Variants in KHDRBS2 observed in about 807,000 individuals in gnomAD.
The protein encoded by KHDRBS2 is KH domain-containing, RNA-binding, signal transduction-associated protein 2.
KHDRBS2 carries 26 observed loss-of-function variants against 44.3 expected under a neutral mutation model. The ratio of observed to expected loss-of-function variants is 0.59; its 90% CI spans 0.43 to 0.81. The LOEUF is 0.81. Ranked by LOEUF, KHDRBS2 falls within the 40% of genes least tolerant of loss-of-function variation. The probability of loss-of-function intolerance (pLI) is 0.00; values close to 1 mark genes in which losing one functional copy is unlikely to be tolerated. For synonymous variants in KHDRBS2, 194 were observed against 151.1 expected, an observed-to-expected ratio of 1.28 and a Z score of -2.08; for missense variants, 476 against 433.1, an observed-to-expected ratio of 1.10 and a Z score of -0.88.
chr6:62,001,089 T>A (rs183922523), intron 3 of KHDRBS2, among the ~76,000 whole-genome samples: 3 of 152,136 alleles, frequency 2.0e-5, no homozygotes, highest in African/African-American at 7.2e-5. Flanking sequence ...TCAGACATTA[T>A]TGGAATAGCT....
chr6:61,605,276 C>T, the KHDRBS2 span, among the ~76,000 whole-genome samples: 2 of 152,134 alleles, frequency 1.3e-5, no homozygotes, highest in African/African-American at 2.4e-5. Context: ...AGTCATATTC[C>T]TATTCACCAT....
intron 2 of KHDRBS2, among the ~76,000 whole-genome samples, chr6:62,170,460 G>A (rs964968202): frequency 6.6e-6 from 1 of 152,150 alleles, no homozygotes; most frequent in African/African-American, 2.4e-5. Flanking sequence ...AAGCATCACA[G>A]AGAACTACTG....
chr6:61,837,806 C>A (rs749171857), intron 6 of KHDRBS2, among the ~76,000 whole-genome samples: 2 of 151,988 alleles, frequency 1.3e-5, no homozygotes, highest in Non-Finnish European at 2.9e-5. Flanking sequence ...CTATATAACA[C>A]CTGCATACCA....
intron 2 of KHDRBS2, among the ~76,000 whole-genome samples, chr6:62,137,733 C>T (rs1811880345): frequency 6.6e-6 from 1 of 152,030 alleles, no homozygotes; most frequent in Non-Finnish European, 1.5e-5. Context: ...TAATTTCCCC[C>T]AAGGCAACGT....
intron 1 of KHDRBS2, among the ~76,000 whole-genome samples, chr6:62,279,123 A>G (rs539758795): frequency 1.3e-5 from 2 of 152,074 alleles, no homozygotes; most frequent in South Asian, 4.2e-4. Flanking sequence ...AAATAAAAAT[A>G]AATAAAAAGC....
At chr6:62,116,625 T>C (rs1334411737) in intron 2 of KHDRBS2, among the ~76,000 whole-genome samples, 2 of 152,180 alleles carry the variant, frequency 1.3e-5, no homozygotes, top group Non-Finnish European at 2.9e-5. Context: ...CTAAAGCTTA[T>C]GTTTTAGTTA....
chr6:61,869,963 T>TG (rs1798385841), intron 6 of KHDRBS2, among the ~76,000 whole-genome samples: 2 of 95,350 alleles, frequency 2.1e-5, no homozygotes, highest in African/African-American at 4.2e-5. Context: ...GCTGCAGGAG[T>TG]GTTTTTTTTT....
chr6:61,924,799 C>T (rs1562452084), intron 4 of KHDRBS2, among the ~76,000 whole-genome samples: 1 of 151,480 alleles, frequency 6.6e-6, no homozygotes, highest in African/African-American at 2.4e-5. Context: ...TTAATTATTT[C>T]CAAATAAATA....
intron 7 of KHDRBS2, among the ~76,000 whole-genome samples, chr6:61,715,528 T>C (rs1157275755): frequency 6.6e-6 from 1 of 151,942 alleles, no homozygotes; most frequent in African/African-American, 2.4e-5. Context: ...AGTGATGAGG[T>C]CCTTGCCTAA....
chr6:62,271,813 A>C (rs1840137108), intron 1 of KHDRBS2, among the ~76,000 whole-genome samples: 1 of 152,140 alleles, frequency 6.6e-6, no homozygotes, highest in Non-Finnish European at 1.5e-5. Context: ...GCTAATTGCA[A>C]AAAGTCAAAA....
At chr6:61,866,720 G>A (rs977149532) in intron 6 of KHDRBS2, among the ~76,000 whole-genome samples, 1 of 152,160 alleles carries the variant, frequency 6.6e-6, no homozygotes, top group Non-Finnish European at 1.5e-5. Flanking sequence ...CATCTTGAAT[G>A]CTTTGCTGCT....
At chr6:61,981,126 C>G (rs1395572439) in intron 3 of KHDRBS2, among the ~76,000 whole-genome samples, 1 of 152,190 alleles carries the variant, frequency 6.6e-6, no homozygotes, top group Non-Finnish European at 1.5e-5. Flanking sequence ...TAGATCCACA[C>G]TGGAGAGTTT....
At chr6:61,658,110 T>C in the KHDRBS2 span, among the ~76,000 whole-genome samples, 1 of 151,892 alleles carries the variant, frequency 6.6e-6, no homozygotes, top group East Asian at 1.9e-4. Context: ...GAATAAAACA[T>C]AAATCCTGCC....
chr6:62,056,183 G>A (rs1411758229), intron 2 of KHDRBS2, among the ~76,000 whole-genome samples: 1 of 151,670 alleles, frequency 6.6e-6, no homozygotes, highest in Non-Finnish European at 1.5e-5. Flanking sequence ...ATCATGACTG[G>A]TACAAATGAA....
At chr6:62,049,458 A>C (rs886862325) in intron 2 of KHDRBS2, among the ~76,000 whole-genome samples, 1 of 150,564 alleles carries the variant, frequency 6.6e-6, no homozygotes, top group African/African-American at 2.4e-5. Context: ...AACCTAGGCT[A>C]GGAAGAGATT....
At chr6:61,891,838 C>A (rs1801899660) in intron 6 of KHDRBS2, among the ~76,000 whole-genome samples, 1 of 152,098 alleles carries the variant, frequency 6.6e-6, no homozygotes, top group African/African-American at 2.4e-5. Flanking sequence ...TGAAAACTGG[C>A]ACAAGACAGG....
chr6:61,592,747 T>TGGCTATAGAGAGAATTGGC, the KHDRBS2 span, among the ~76,000 whole-genome samples: 1 of 152,132 alleles, frequency 6.6e-6, no homozygotes, highest in Admixed American at 6.5e-5. Flanking sequence ...TTGGGATTGG[T>TGGCTATAGAGAGAATTGGC]GGCTATAGAG....
intron 6 of KHDRBS2, among the ~76,000 whole-genome samples, chr6:61,747,158 A>T (rs938392200): frequency 3.3e-5 from 5 of 152,178 alleles, no homozygotes; most frequent in African/African-American, 9.7e-5. Context: ...TTTGTGTTTT[A>T]TATTGCTATT....
the KHDRBS2 span, among the ~76,000 whole-genome samples, chr6:61,674,459 T>G: frequency 6.6e-6 from 1 of 151,736 alleles, no homozygotes; most frequent in Non-Finnish European, 1.5e-5. Flanking sequence ...CTACTTCCTC[T>G]TCTGTAAAAT....
Sources: allele counts gnomAD v4.1 joint callset (sites outside exome capture counted in the v4.1 genomes callset), GRCh38; gene constraint gnomAD v4.1.1; transcripts MANE v1.5; gene names NCBI Gene and HGNC (gene_info 2026-07-23, HGNC 2026-07-21).